Variants in PRKCA observed in about 807,000 individuals in gnomAD.
PRKCA encodes protein kinase C alpha type.
Under a neutral mutation model 87.0 loss-of-function variants are expected in PRKCA, and 27 were observed. The observed-to-expected ratio is 0.31, with a 90% confidence interval of 0.23 to 0.43. PRKCA has a LOEUF of 0.43. Ranked by LOEUF, PRKCA falls within the 20% of genes least tolerant of loss-of-function variation. PRKCA has a pLI of 1.00. For missense variants in PRKCA, 518 were observed against 852.3 expected, an observed-to-expected ratio of 0.61 and a Z score of 4.88; for synonymous variants, 329 against 311.1, an observed-to-expected ratio of 1.06 and a Z score of -0.61.
intron 5 of PRKCA, among the ~76,000 whole-genome samples, chr17:66,651,152 G>A (rs1014556847): frequency 2.0e-5 from 3 of 152,182 alleles, no homozygotes; most frequent in African/African-American, 7.2e-5. Flanking sequence ...AGGCAAAGAT[G>A]CAGAGTGTGT....
intron 3 of PRKCA, among the ~76,000 whole-genome samples, chr17:66,579,464 G>A (rs994206888): frequency 1.3e-5 from 2 of 152,190 alleles, no homozygotes; most frequent in Admixed American, 6.5e-5. Flanking sequence ...AGGGTTTACC[G>A]TGTCAGGCAC....
chr17:66,778,522 A>C (rs575927566), intron 14 of PRKCA, among the ~76,000 whole-genome samples: 12 of 152,290 alleles, frequency 7.9e-5, no homozygotes, highest in Admixed American at 2.6e-4. Flanking sequence ...TCTCAAAAAA[A>C]TAAAAGAAAA....
intron 2 of PRKCA, among the ~76,000 whole-genome samples, chr17:66,379,021 A>G (rs72846693): frequency 0.048 from 7,328 of 151,846 alleles, 277 homozygotes; most frequent in Non-Finnish European, 0.069. Context: ...ACCCCTTTTT[A>G]TGGCTTAATA....
rs144194241 is a variant in PRKCA at position 66,785,985 on chromosome 17, T to C, written c.1606-882T>C. Among the ~76,000 whole-genome samples the C allele has an allele frequency of 8.8e-3, 1,334 of 152,270 alleles. 7 individuals carry two copies. Among genetic ancestry groups the C allele is most frequent in the South Asian group, 0.012 (57 of 4,820 alleles). The stretch of plus-strand genomic sequence containing the variant: ...CTGGGACTACAGGCGCTCGCCACCA[T>C]GCCCGGCTAATTTTTTGTATTTTTA... On this transcript the variant is annotated intron_variant, in intron 14 of 16. Coordinates refer to ENST00000413366, the MANE Select transcript of PRKCA (RefSeq NM_002737.3).
At chr17:66,578,022 C>T (rs1294581575) in intron 3 of PRKCA, among the ~76,000 whole-genome samples, 1 of 152,128 alleles carries the variant, frequency 6.6e-6, no homozygotes, top group Non-Finnish European at 1.5e-5. Flanking sequence ...CCCCCTCCAC[C>T]CCGTGAGCTC....
chr17:66,520,322 T>C (rs1967118444), intron 3 of PRKCA, among the ~76,000 whole-genome samples: 1 of 152,018 alleles, frequency 6.6e-6, no homozygotes. Context: ...GGTTTCGCCA[T>C]GTTGGCCAGG....
intron 3 of PRKCA, among the ~76,000 whole-genome samples, chr17:66,521,092 G>A (rs952885179): frequency 2.6e-5 from 4 of 151,766 alleles, no homozygotes; most frequent in Non-Finnish European, 5.9e-5. Flanking sequence ...AAACCAAACT[G>A]CAGCTCCAAC....
At chr17:66,477,210 A>G (rs2144036522) in intron 2 of PRKCA, among the ~76,000 whole-genome samples, 1 of 152,320 alleles carries the variant, frequency 6.6e-6, no homozygotes, top group Non-Finnish European at 1.5e-5. Flanking sequence ...ACAAAGCGAA[A>G]CCCACAGAAA....
chr17:66,458,091 G>A (rs775064138), intron 2 of PRKCA, among the ~76,000 whole-genome samples: 1 of 152,194 alleles, frequency 6.6e-6, no homozygotes, highest in Non-Finnish European at 1.5e-5. Context: ...TGTGTAAGTA[G>A]CAGTTTCCCA....
intron 5 of PRKCA, among the ~76,000 whole-genome samples, chr17:66,650,648 A>G (rs557528355): frequency 3.3e-5 from 5 of 152,214 alleles, no homozygotes; most frequent in Non-Finnish European, 7.4e-5. Context: ...GGGGAGGGGA[A>G]GACTTCCTCC....
chr17:66,628,024 C>T (rs1185131454), intron 3 of PRKCA, among the ~76,000 whole-genome samples: 3 of 152,176 alleles, frequency 2.0e-5, no homozygotes, highest in African/African-American at 4.8e-5. Flanking sequence ...GCCAAATGCC[C>T]AAGCCTAACA....
intron 5 of PRKCA, among the ~76,000 whole-genome samples, chr17:66,677,905 G>A (rs1265825736): frequency 6.6e-6 from 1 of 152,178 alleles, no homozygotes; most frequent in African/African-American, 2.4e-5. Context: ...ATATTCACAA[G>A]ATTGTGCAAT....
intron 13 of PRKCA, among the ~76,000 whole-genome samples, chr17:66,757,862 C>T (rs974985211): frequency 1.3e-5 from 2 of 152,120 alleles, no homozygotes; most frequent in African/African-American, 4.8e-5. Flanking sequence ...GTAGCTGGGA[C>T]TACAGGTGCC....
chr17:66,388,348 G>A (rs1413685787), intron 2 of PRKCA, among the ~76,000 whole-genome samples: 1 of 151,634 alleles, frequency 6.6e-6, no homozygotes, highest in Non-Finnish European at 1.5e-5. Context: ...AGACTGGAGT[G>A]TAATGGCGCC....
At chr17:66,541,608 C>A (rs1436109987) in intron 3 of PRKCA, among the ~76,000 whole-genome samples, 13 of 152,222 alleles carry the variant, frequency 8.5e-5, no homozygotes, top group Non-Finnish European at 1.5e-5. Context: ...ACGTGCAAAG[C>A]AGAGCTGACG....
At chr17:66,616,146 A>G (rs1052891638) in intron 3 of PRKCA, among the ~76,000 whole-genome samples, 1 of 152,214 alleles carries the variant, frequency 6.6e-6, no homozygotes, top group African/African-American at 2.4e-5. Flanking sequence ...ACTGGGCCCT[A>G]GCAAATCATT....
intron 16 of PRKCA, among the ~76,000 whole-genome samples, chr17:66,793,195 C>T (rs986139499): frequency 5.3e-5 from 8 of 152,134 alleles, no homozygotes; most frequent in Non-Finnish European, 7.3e-5. Context: ...GACATGAGGA[C>T]GGTCAGCTCA....
At chr17:66,419,249 G>A (rs1473126791) in intron 2 of PRKCA, among the ~76,000 whole-genome samples, 3 of 152,166 alleles carry the variant, frequency 2.0e-5, no homozygotes, top group African/African-American at 7.2e-5. Flanking sequence ...AGCATACTGA[G>A]TAGAGACATT....
intron 2 of PRKCA, among the ~76,000 whole-genome samples, chr17:66,339,535 G>T (rs964015891): frequency 6.6e-6 from 1 of 152,026 alleles, no homozygotes; most frequent in African/African-American, 2.4e-5. Flanking sequence ...TAGAGTTATT[G>T]AAAAAACTGC....
Sources: allele counts gnomAD v4.1 joint callset (sites outside exome capture counted in the v4.1 genomes callset), GRCh38; gene constraint gnomAD v4.1.1; transcripts MANE v1.5; gene names NCBI Gene and HGNC (gene_info 2026-07-23, HGNC 2026-07-21).